Variants in TENM2 observed in about 807,000 individuals in gnomAD.
The protein encoded by TENM2 is teneurin transmembrane protein 2.
TENM2 carries 52 observed loss-of-function variants against 245.2 expected under a neutral mutation model. The observed-to-expected ratio is 0.21, with a 90% confidence interval of 0.17 to 0.27. The LOEUF is 0.27. TENM2 is among the 10% of genes least tolerant of loss of function. The probability of loss-of-function intolerance (pLI) is 1.00; values close to 1 mark genes in which losing one functional copy is unlikely to be tolerated. For synonymous variants in TENM2, 1,363 were observed against 1,438.9 expected (o/e 0.95, Z 1.19); for missense variants, 3,046 against 3,666.8 (o/e 0.83, Z 4.37).
chr5:167,128,413 G>T, the TENM2 span, among the ~76,000 whole-genome samples: 1 of 152,100 alleles, frequency 6.6e-6, no homozygotes, highest in Admixed American at 6.5e-5. Flanking sequence ...TAGAGGGCTT[G>T]TTAAAACTCA....
chr5:167,865,369 G>A (rs1349108978), intron 2 of TENM2, among the ~76,000 whole-genome samples: 5 of 152,038 alleles, frequency 3.3e-5, no homozygotes, highest in Admixed American at 6.5e-5. Flanking sequence ...GACCTCCTGG[G>A]CTCAAGCAGT....
At chr5:167,751,089 T>C (rs1400572684) in intron 2 of TENM2, among the ~76,000 whole-genome samples, 1 of 152,004 alleles carries the variant, frequency 6.6e-6, no homozygotes, top group Non-Finnish European at 1.5e-5. Context: ...TTCCAGGAGT[T>C]GAAAGGACAG....
chr5:168,182,005 T>C (rs192928602), intron 13 of TENM2, among the ~76,000 whole-genome samples: 1 of 152,136 alleles, frequency 6.6e-6, no homozygotes, highest in South Asian at 2.1e-4. Flanking sequence ...TATTTGAGAA[T>C]GGCCGTTGCT....
the TENM2 span, among the ~76,000 whole-genome samples, chr5:167,250,055 A>G: frequency 6.6e-6 from 1 of 152,188 alleles, no homozygotes; most frequent in African/African-American, 2.4e-5. Flanking sequence ...TTGGCTGTGC[A>G]ATATGGTAGC....
intron 2 of TENM2, among the ~76,000 whole-genome samples, chr5:167,592,092 T>C (rs1442542882): frequency 6.6e-6 from 1 of 152,184 alleles, no homozygotes; most frequent in East Asian, 1.9e-4. Flanking sequence ...AATGAGGACT[T>C]TACCTAGGTT....
At chr5:167,490,195 C>A (rs1768337604) in intron 2 of TENM2, among the ~76,000 whole-genome samples, 1 of 152,090 alleles carries the variant, frequency 6.6e-6, no homozygotes, top group Non-Finnish European at 1.5e-5. Flanking sequence ...GCACACTGAG[C>A]CACACTTTAT....
At chr5:167,153,350 T>A in the TENM2 span, among the ~76,000 whole-genome samples, 1 of 152,178 alleles carries the variant, frequency 6.6e-6, no homozygotes, top group East Asian at 1.9e-4. Context: ...GGAAAAAAGT[T>A]ATTAAGAATT....
At chr5:167,627,469 A>G (rs1393341933) in intron 2 of TENM2, among the ~76,000 whole-genome samples, 1 of 152,146 alleles carries the variant, frequency 6.6e-6, no homozygotes, top group African/African-American at 2.4e-5. Flanking sequence ...CAAGATATCT[A>G]GGATGTATAT....
chr5:167,506,030 T>C (rs760293927), intron 2 of TENM2, among the ~76,000 whole-genome samples: 3 of 151,126 alleles, frequency 2.0e-5, no homozygotes, highest in Admixed American at 6.6e-5. Context: ...AAAAAAAAAA[T>C]GTTATTTCAA....
intron 2 of TENM2, among the ~76,000 whole-genome samples, chr5:167,470,333 A>G (rs1420174587): frequency 6.6e-6 from 1 of 151,972 alleles, no homozygotes; most frequent in Non-Finnish European, 1.5e-5. Context: ...ATTATAGATC[A>G]CCATTTTACT....
chr5:167,051,958 CTT>C, the TENM2 span, among the ~76,000 whole-genome samples: 3 of 152,052 alleles, frequency 2.0e-5, no homozygotes, highest in African/African-American at 7.2e-5. Context: ...TCTATATTCT[CTT>C]TGCAGTTTTT....
At chr5:167,161,546 A>G in the TENM2 span, among the ~76,000 whole-genome samples, 1 of 152,248 alleles carries the variant, frequency 6.6e-6, no homozygotes, top group Non-Finnish European at 1.5e-5. Flanking sequence ...TATTTTTTAA[A>G]GTAACAGATT....
chr5:166,990,739 T>A, the TENM2 span, among the ~76,000 whole-genome samples: 8,563 of 152,282 alleles, frequency 0.056, 440 homozygotes, highest in East Asian at 0.31. Context: ...ATAGGTCAAC[T>A]GTCACAAAAA....
chr5:168,159,339 T>C (rs1757534935), intron 12 of TENM2, among the ~76,000 whole-genome samples: 1 of 152,162 alleles, frequency 6.6e-6, no homozygotes, highest in Admixed American at 6.5e-5. Context: ...GGGCTTTATA[T>C]TGGTGGTCTT....
the TENM2 span, among the ~76,000 whole-genome samples, chr5:167,204,357 G>T: frequency 2.0e-5 from 3 of 152,290 alleles, no homozygotes; most frequent in Middle Eastern, 6.8e-3. Flanking sequence ...AATGAGAAGA[G>T]ATAAATCAGT....
intron 2 of TENM2, among the ~76,000 whole-genome samples, chr5:167,633,198 C>T (rs184733112): frequency 1.3e-5 from 2 of 152,100 alleles, no homozygotes; most frequent in South Asian, 4.1e-4. Context: ...ACAGCCACAG[C>T]GAAGCTAACA....
chr5:167,949,336 A>G (rs1207982367), intron 3 of TENM2, among the ~76,000 whole-genome samples: 1 of 152,194 alleles, frequency 6.6e-6, no homozygotes, highest in African/African-American at 2.4e-5. Context: ...AACACTATGC[A>G]AAATCTCAAC....
chr5:168,087,896 A>G (rs1293836246), intron 7 of TENM2, among the ~76,000 whole-genome samples: 1 of 152,204 alleles, frequency 6.6e-6, no homozygotes, highest in Admixed American at 6.5e-5. Flanking sequence ...ATCTTCTCCC[A>G]GAGCCCCTGG....
At chr5:168,250,056 GTGGATGGCTGGA>G (rs931096233) in intron 27 of TENM2, among the ~76,000 whole-genome samples, 10 of 152,184 alleles carry the variant, frequency 6.6e-5, no homozygotes, top group Non-Finnish European at 1.3e-4. Context: ...GGATGGTTGG[GTGGATGGCTGGA>G]TGGATGGCTG....
Sources: allele counts gnomAD v4.1 joint callset (sites outside exome capture counted in the v4.1 genomes callset), GRCh38; gene constraint gnomAD v4.1.1; transcripts MANE v1.5; gene names NCBI Gene and HGNC (gene_info 2026-07-23, HGNC 2026-07-21).